Variants in NDST4 observed in about 807,000 individuals in gnomAD.
NDST4 encodes the protein N-heparan sulfate sulfotransferase 4.
In NDST4, 63 loss-of-function variants were observed where a neutral mutation model predicts 100.8. The ratio of observed to expected loss-of-function variants is 0.62; its 90% confidence interval spans 0.51 to 0.77. The LOEUF (loss-of-function observed/expected upper bound fraction) is 0.77, where lower values mean the gene tolerates loss of function less well. NDST4 is among the 30% of genes least tolerant of loss of function. The probability of loss-of-function intolerance (pLI) is 0.00; values close to 1 mark genes in which losing one functional copy is unlikely to be tolerated. For missense variants in NDST4, 943 were observed against 1,018.4 expected (o/e 0.93, Z 1.01); for synonymous variants, 377 against 361.8 (o/e 1.04, Z -0.48).
chr4:114,955,894 C>G (rs551359547), intron 4 of NDST4: 16 of 152,154 alleles, frequency 1.1e-4, no homozygotes, highest in Non-Finnish European at 2.4e-4. Context: ...AGGGCTACAT[C>G]TCTCTGTAGT....
intron 2 of NDST4, among the ~76,000 whole-genome samples, chr4:115,050,444 T>C (rs778056596): frequency 2.9e-4 from 44 of 151,394 alleles, no homozygotes; most frequent in Non-Finnish European, 6.0e-4. Context: ...ATACATACAC[T>C]GCTGTTTAGA....
intron 1 of NDST4, among the ~76,000 whole-genome samples, chr4:115,109,653 C>T: frequency 6.6e-6 from 1 of 151,868 alleles, no homozygotes; most frequent in Admixed American, 6.6e-5. Context: ...AGTTTTAACC[C>T]TTTTTTCTCA....
chr4:115,058,063 C>T (rs781169976), intron 2 of NDST4, among the ~76,000 whole-genome samples: 2 of 152,160 alleles, frequency 1.3e-5, no homozygotes, highest in Middle Eastern at 3.4e-3. Flanking sequence ...ATTTATTTCA[C>T]GTTCTGTTAA....
At chr4:114,878,645 C>T (rs944256358) in intron 6 of NDST4, among the ~76,000 whole-genome samples, 3 of 152,108 alleles carry the variant, frequency 2.0e-5, no homozygotes, top group Non-Finnish European at 2.9e-5. Flanking sequence ...CTCTGAATCT[C>T]AGAGATCTCT....
At chr4:115,100,801 A>T (rs1383177920) in intron 1 of NDST4, among the ~76,000 whole-genome samples, 2 of 61,676 alleles carry the variant, frequency 3.2e-5, no homozygotes, top group South Asian at 3.5e-4. Flanking sequence ...CAAATGCTTC[A>T]CTCCTTTTTT....
intron 12 of NDST4, among the ~76,000 whole-genome samples, chr4:114,831,463 T>G (rs1487910080): frequency 6.6e-6 from 1 of 152,102 alleles, no homozygotes; most frequent in African/African-American, 2.4e-5. Flanking sequence ...TGAGATGAAG[T>G]TGGCATAACA....
At chr4:114,952,994 G>A (rs1399759802) in intron 4 of NDST4, among the ~76,000 whole-genome samples, 1 of 151,606 alleles carries the variant, frequency 6.6e-6, no homozygotes, top group Non-Finnish European at 1.5e-5. Flanking sequence ...AAGAAAACCG[G>A]GCACACAAGT....
intron 1 of NDST4, among the ~76,000 whole-genome samples, chr4:115,102,193 T>A (rs979633032): frequency 6.6e-6 from 1 of 152,144 alleles, no homozygotes; most frequent in African/African-American, 2.4e-5. Flanking sequence ...TTGATTTGCA[T>A]CCTTGCTAAT....
chr4:114,935,972 G>A (rs546274313), intron 5 of NDST4, among the ~76,000 whole-genome samples: 2 of 151,268 alleles, frequency 1.3e-5, no homozygotes, highest in African/African-American at 4.9e-5. Context: ...ATGGACAAAT[G>A]CATCTAATTG....
At chr4:115,064,930 C>T (rs1460330737) in intron 2 of NDST4, among the ~76,000 whole-genome samples, 1 of 151,972 alleles carries the variant, frequency 6.6e-6, no homozygotes, top group African/African-American at 2.4e-5. Context: ...ATATGGATGC[C>T]CATGTTAAAT....
chr4:115,096,756 C>T (rs1488146991), intron 1 of NDST4, among the ~76,000 whole-genome samples: 1 of 152,086 alleles, frequency 6.6e-6, no homozygotes. Context: ...TCATGATTCA[C>T]TTACTTCACA....
intron 1 of NDST4, among the ~76,000 whole-genome samples, chr4:115,086,709 A>G (rs80194176): frequency 0.024 from 3,634 of 152,220 alleles, 130 homozygotes; most frequent in African/African-American, 0.083. Flanking sequence ...TTCCTGCAGA[A>G]ATATGTATAG....
intron 2 of NDST4, among the ~76,000 whole-genome samples, chr4:115,056,405 C>T (rs1311571418): frequency 6.6e-6 from 1 of 152,116 alleles, no homozygotes; most frequent in Non-Finnish European, 1.5e-5. Flanking sequence ...TCCAAAATTA[C>T]TTGTAATCAT....
At chr4:115,016,774 G>T (rs1211313134) in intron 2 of NDST4, among the ~76,000 whole-genome samples, 1 of 152,066 alleles carries the variant, frequency 6.6e-6, no homozygotes, top group African/African-American at 2.4e-5. Flanking sequence ...ATCCAGGCAA[G>T]ACTGCTAATG....
At chr4:114,851,837 T>C (rs564878602) in intron 8 of NDST4, among the ~76,000 whole-genome samples, 3 of 152,254 alleles carry the variant, frequency 2.0e-5, no homozygotes, top group Admixed American at 1.3e-4. Flanking sequence ...AACCAATATT[T>C]AATAGTCTGG....
rs145045751 is a variant in NDST4 at position 115,062,937 on chromosome 4, A to C, written c.978+13122T>G. ...TAGGAACATATTTATATAAATTCAA[A>C]TTTAAAACATCTAGATACTAAGCAA... On this transcript the variant is annotated intron_variant, in intron 2 of 13. Transcript: ENST00000264363. Among the ~76,000 whole-genome samples, 198 of 152,088 alleles carry C rather than the reference A, an allele frequency of 1.3e-3. 1 individual carries two copies. The highest frequency in any genetic ancestry group is 4.5e-3 in the African/African-American group (186 of 41,524).
At chr4:114,988,800 C>T (rs544777314) in intron 2 of NDST4, among the ~76,000 whole-genome samples, 81 of 151,806 alleles carry the variant, frequency 5.3e-4, no homozygotes, top group African/African-American at 1.8e-3. Flanking sequence ...CTCAGTGCAC[C>T]GCCAGTAGGA....
chr4:115,101,952 TGAG>T (rs1729738833), intron 1 of NDST4, among the ~76,000 whole-genome samples: 1 of 152,030 alleles, frequency 6.6e-6, no homozygotes, highest in Non-Finnish European at 1.5e-5. Flanking sequence ...ATTTAGATTT[TGAG>T]GAGAAAAGAG....
intron 2 of NDST4, among the ~76,000 whole-genome samples, chr4:115,050,208 T>C (rs988721154): frequency 2.6e-5 from 4 of 152,156 alleles, no homozygotes; most frequent in African/African-American, 9.6e-5. Context: ...ATGGTAATAG[T>C]TTTGGTCTGT....
Sources: gnomAD v4.1 joint callset for allele counts (sites outside exome capture counted in the v4.1 genomes callset) on GRCh38, gnomAD v4.1.1 for gene constraint, MANE v1.5 for transcripts, NCBI Gene and HGNC (gene_info 2026-07-23, HGNC 2026-07-21) for gene names.